Variants in DPYD observed in about 807,000 individuals in gnomAD.
The protein encoded by DPYD is dihydropyrimidine dehydrogenase [NADP(+)].
DPYD carries 109 observed loss-of-function variants against 116.2 expected under a neutral mutation model. The observed-to-expected ratio is 0.94, with a 90% confidence interval of 0.80 to 1.10. The LOEUF is 1.10. Ranked by LOEUF, DPYD falls within the 50% of genes least tolerant of loss-of-function variation. The pLI is 0.00. For synonymous variants in DPYD, 440 were observed against 432.0 expected, an observed-to-expected ratio of 1.02 and a Z score of -0.23; for missense variants, 1,302 against 1,254.5, an observed-to-expected ratio of 1.04 and a Z score of -0.57.
intron 2 of DPYD, among the ~76,000 whole-genome samples, chr1:97,834,652 A>G (rs1571438168): frequency 6.6e-6 from 1 of 152,138 alleles, no homozygotes; most frequent in East Asian, 1.9e-4. Flanking sequence ...AGGCAGTTCA[A>G]TGTTGGTTAC....
intron 20 of DPYD, among the ~76,000 whole-genome samples, chr1:97,156,518 G>A (rs924376427): frequency 6.6e-6 from 1 of 152,128 alleles, no homozygotes; most frequent in Non-Finnish European, 1.5e-5. Flanking sequence ...ATGAAAAAAT[G>A]CTCACCATCA....
At chr1:97,340,662 T>A (rs114719882) in intron 16 of DPYD, among the ~76,000 whole-genome samples, 2 of 152,044 alleles carry the variant, frequency 1.3e-5, no homozygotes, top group East Asian at 3.9e-4. Context: ...AGCAACAGAG[T>A]GAGACCCTAT....
chr1:97,686,722 T>C (rs1237887487), intron 7 of DPYD, among the ~76,000 whole-genome samples: 2 of 147,912 alleles, frequency 1.4e-5, no homozygotes. Flanking sequence ...GGAAATACCA[T>C]TCAGGACATA....
intron 14 of DPYD, among the ~76,000 whole-genome samples, chr1:97,425,951 T>TA (rs143283268): frequency 3.0e-3 from 431 of 144,124 alleles, no homozygotes; most frequent in East Asian, 6.6e-3. Context: ...AAGCAAACAT[T>TA]AAAAAAAAAA....
chr1:97,132,608 A>G (rs1406670173), intron 20 of DPYD, among the ~76,000 whole-genome samples: 1 of 152,166 alleles, frequency 6.6e-6, no homozygotes, highest in Non-Finnish European at 1.5e-5. Flanking sequence ...CATAAATTCT[A>G]TCATTCTTAT....
chr1:97,288,900 T>C (rs1665929461), intron 18 of DPYD, among the ~76,000 whole-genome samples: 1 of 152,042 alleles, frequency 6.6e-6, no homozygotes, highest in South Asian at 2.1e-4. Context: ...ATCCAGGATC[T>C]GGTTTTTTGA....
chr1:97,337,652 ATTT>A (rs67279659), intron 16 of DPYD, among the ~76,000 whole-genome samples: 27 of 145,482 alleles, frequency 1.9e-4, no homozygotes, highest in South Asian at 8.8e-4. Context: ...GACTTAACAC[ATTT>A]TTTTTTTTTT....
chr1:97,596,767 A>T (rs1571029192), intron 8 of DPYD, among the ~76,000 whole-genome samples: 2 of 152,186 alleles, frequency 1.3e-5, no homozygotes, highest in East Asian at 3.9e-4. Flanking sequence ...ATAAACCACC[A>T]TTGTCTCTTC....
chr1:97,731,668 G>A (rs901170594), intron 4 of DPYD, among the ~76,000 whole-genome samples: 1 of 151,872 alleles, frequency 6.6e-6, no homozygotes, highest in African/African-American at 2.4e-5. Flanking sequence ...TAGCTTTGCT[G>A]GGTTTCAAAT....
At chr1:97,614,674 C>A (rs927715983) in intron 8 of DPYD, among the ~76,000 whole-genome samples, 2 of 152,082 alleles carry the variant, frequency 1.3e-5, no homozygotes, top group Non-Finnish European at 2.9e-5. Flanking sequence ...ACATCCTCCC[C>A]ACCCATCAAG....
At chr1:97,785,762 C>T (rs1231853005) in intron 3 of DPYD, among the ~76,000 whole-genome samples, 6 of 145,860 alleles carry the variant, frequency 4.1e-5, no homozygotes, top group African/African-American at 1.5e-4. Context: ...GCACATTCTC[C>T]GCTCACTGCA....
intron 16 of DPYD, among the ~76,000 whole-genome samples, chr1:97,360,730 G>C (rs1474761838): frequency 1.3e-5 from 2 of 152,164 alleles, no homozygotes; most frequent in African/African-American, 4.8e-5. Flanking sequence ...AATTAAGGCA[G>C]AAATAAAGAT....
intron 10 of DPYD, among the ~76,000 whole-genome samples, chr1:97,581,960 A>T (rs1653713411): frequency 6.6e-6 from 1 of 152,162 alleles, no homozygotes; most frequent in South Asian, 2.1e-4. Context: ...TTAAAGCTCT[A>T]TGTAATATGT....
At chr1:97,544,254 A>G (rs1430223151) in intron 12 of DPYD, among the ~76,000 whole-genome samples, 1 of 152,166 alleles carries the variant, frequency 6.6e-6, no homozygotes, top group Admixed American at 6.6e-5. Flanking sequence ...CACTTTGTCT[A>G]TATGTACCTT....
intron 14 of DPYD, among the ~76,000 whole-genome samples, chr1:97,437,909 G>A (rs1264743784): frequency 6.6e-6 from 1 of 151,976 alleles, no homozygotes; most frequent in African/African-American, 2.4e-5. Flanking sequence ...TATATCATGT[G>A]AGATCTGAAT....
chr1:97,413,571 C>T (rs1674128173), intron 14 of DPYD, among the ~76,000 whole-genome samples: 1 of 152,130 alleles, frequency 6.6e-6, no homozygotes, highest in Admixed American at 6.6e-5. Context: ...TCAAGGGATC[C>T]TCCCACTTCA....
intron 8 of DPYD, among the ~76,000 whole-genome samples, chr1:97,672,048 C>T (rs993335634): frequency 1.3e-5 from 2 of 150,848 alleles, no homozygotes; most frequent in Admixed American, 6.6e-5. Context: ...ACGCTCATCT[C>T]CCATAATCAA....
chr1:97,467,497 GA>G, intron 13 of DPYD, among the ~76,000 whole-genome samples: 1 of 152,270 alleles, frequency 6.6e-6, no homozygotes, highest in Non-Finnish European at 1.5e-5. Flanking sequence ...CTGCTTTCCT[GA>G]AATTTACCCC....
intron 11 of DPYD, among the ~76,000 whole-genome samples, chr1:97,565,065 G>A (rs1185588345): frequency 6.6e-6 from 1 of 152,080 alleles, no homozygotes; most frequent in Non-Finnish European, 1.5e-5. Flanking sequence ...TAACTTGAGA[G>A]CTGCCCATCT....
Sources: gnomAD v4.1 joint callset for allele counts (sites outside exome capture counted in the v4.1 genomes callset) on GRCh38, gnomAD v4.1.1 for gene constraint, MANE v1.5 for transcripts, NCBI Gene and HGNC (gene_info 2026-07-23, HGNC 2026-07-21) for gene names.